PEAK1: variants seen among roughly 807,000 people sequenced by gnomAD.
PEAK1 encodes inactive tyrosine-protein kinase PEAK1.
Under a neutral mutation model 124.7 loss-of-function variants are expected in PEAK1, and 54 were observed. The observed-to-expected ratio is 0.43, with a 90% CI of 0.35 to 0.54. The LOEUF (loss-of-function observed/expected upper bound fraction) is 0.54. Among genes scored for constraint, PEAK1 ranks in the 20% least tolerant of loss-of-function variants. The pLI is 0.01. For missense variants in PEAK1, 2,046 were observed against 2,134.5 expected (o/e 0.96, Z 0.82); for synonymous variants, 719 against 760.0 (o/e 0.95, Z 0.89).
At chr15:77,256,481 T>C (rs541051776) in intron 5 of PEAK1, among the ~76,000 whole-genome samples, 1 of 152,270 alleles carries the variant, frequency 6.6e-6, no homozygotes, top group African/African-American at 2.4e-5. Context: ...TGAGGAGATT[T>C]TTAATCATAA....
intron 1 of PEAK1, chr15:77,417,516 A>C (rs998549667): frequency 2.1e-5 from 21 of 985,066 alleles, no homozygotes; most frequent in Non-Finnish European, 2.5e-5. Context: ...CAAATGACAG[A>C]ATAACGCTCA....
At chr15:77,351,775 T>C in intron 2 of PEAK1, 1 of 985,436 alleles carries the variant, frequency 1.0e-6, no homozygotes, top group East Asian at 1.1e-4. Flanking sequence ...GTTAAGACTT[T>C]ATCTTGATGA....
chr15:77,176,055 G>T (rs1332288492), intron 7 of PEAK1, among the ~76,000 whole-genome samples: 4 of 151,072 alleles, frequency 2.6e-5, no homozygotes, highest in Non-Finnish European at 5.9e-5. Context: ...TGAACAATGA[G>T]AACACATGGA....
intron 5 of PEAK1, among the ~76,000 whole-genome samples, chr15:77,260,648 TA>T (rs1465484966): frequency 6.6e-6 from 1 of 152,138 alleles, no homozygotes; most frequent in Non-Finnish European, 1.5e-5. Flanking sequence ...CAGTAGTTCA[TA>T]CACAGAAGAA....
chr15:77,355,742 T>C, intron 2 of PEAK1: 1 of 984,500 alleles, frequency 1.0e-6, no homozygotes, highest in Non-Finnish European at 1.2e-6. Context: ...AAGTTGCCTG[T>C]AATTACGTAA....
intron 6 of PEAK1, among the ~76,000 whole-genome samples, chr15:77,189,950 A>T (rs2057750205): frequency 6.6e-6 from 1 of 152,212 alleles, no homozygotes; most frequent in Non-Finnish European, 1.5e-5. Flanking sequence ...AAATAAGAGA[A>T]GGTGGGAAAA....
intron 2 of PEAK1, chr15:77,346,427 G>A (rs2066878166): frequency 4.2e-6 from 4 of 962,964 alleles, no homozygotes; most frequent in East Asian, 1.2e-4. Context: ...GGATGACAGT[G>A]ATCAGTCCCT....
chr15:77,234,992 T>A lies in PEAK1; in HGVS notation c.-115+17375A>T, dbSNP rs531908415. Reference sequence around the variant, plus strand: ...TGATGGTTTTATAAGCATCTGGCGTTGCCCTTGCTTGCACTTCCTCTCTCC... The same window carrying A: ...TGATGGTTTTATAAGCATCTGGCGTAGCCCTTGCTTGCACTTCCTCTCTCC... On this transcript the variant is annotated intron_variant, in intron 6 of 9. Transcript: ENST00000682557. 1.8e-4 allele frequency among the ~76,000 whole-genome samples: 28 copies of A among 152,170 alleles called. No homozygotes were observed. The East Asian group carries it at 5.4e-3, about 30-fold the overall frequency.
intron 5 of PEAK1, among the ~76,000 whole-genome samples, chr15:77,263,794 C>T (rs2061567366): frequency 6.6e-6 from 1 of 152,046 alleles, no homozygotes; most frequent in Admixed American, 6.6e-5. Context: ...CTGGCAGAGA[C>T]ACAACAACAA....
At chr15:77,261,627 A>G (rs925582677) in intron 5 of PEAK1, among the ~76,000 whole-genome samples, 2 of 152,218 alleles carry the variant, frequency 1.3e-5, no homozygotes, top group African/African-American at 4.8e-5. Flanking sequence ...CCAAATCTAT[A>G]TCTGATTGGT....
At chr15:77,418,223 C>G in intron 1 of PEAK1, 1 of 985,396 alleles carries the variant, frequency 1.0e-6, no homozygotes, top group Non-Finnish European at 1.2e-6. Flanking sequence ...CAAAACACTT[C>G]TCTTCCAACC....
chr15:77,261,496 T>G (rs1349199724), intron 5 of PEAK1, among the ~76,000 whole-genome samples: 1 of 152,208 alleles, frequency 6.6e-6, no homozygotes. Flanking sequence ...AGCAGCCGAT[T>G]CGATCAACTG....
chr15:77,324,753 A>T (rs890276368), intron 2 of PEAK1, among the ~76,000 whole-genome samples: 2 of 152,110 alleles, frequency 1.3e-5, no homozygotes, highest in African/African-American at 4.8e-5. Flanking sequence ...AAATGACCAG[A>T]TCTTGCAAGA....
chr15:77,261,424 T>C (rs1460883757), intron 5 of PEAK1, among the ~76,000 whole-genome samples: 3 of 152,012 alleles, frequency 2.0e-5, no homozygotes, highest in Non-Finnish European at 4.4e-5. Context: ...GAGAAGTCCT[T>C]AAAGGAGCTG....
rs540811245 is a variant in PEAK1, at chr15:77,332,691, A to G, written c.-603+32472T>C. On this transcript the variant is annotated intron_variant, in intron 2 of 9. Transcript: ENST00000682557. ...TGGTTGTTTCCAAGCACCCTGTCCC[A>G]TGGTGGCATTATCATTTTTAAAAGC... Among the ~76,000 whole-genome samples, 3 of 152,332 alleles carry G rather than the reference A, an allele frequency of 2.0e-5. No homozygotes were observed. In the South Asian group the frequency reaches 6.2e-4, roughly 32 times the overall value.
At chr15:77,413,989 A>T (rs1441024848) in intron 1 of PEAK1, among the ~76,000 whole-genome samples, 1 of 151,584 alleles carries the variant, frequency 6.6e-6, no homozygotes, top group Non-Finnish European at 1.5e-5. Flanking sequence ...ACACCCGGCT[A>T]ATTTATTATA....
intron 2 of PEAK1, among the ~76,000 whole-genome samples, chr15:77,332,682 C>T (rs2065964089): frequency 6.6e-6 from 1 of 152,080 alleles, no homozygotes; most frequent in African/African-American, 2.4e-5. Flanking sequence ...TTTCCAAGCA[C>T]CCTGTCCCAT....
At chr15:77,173,051 G>C (rs1292590474) in intron 7 of PEAK1, among the ~76,000 whole-genome samples, 1 of 152,040 alleles carries the variant, frequency 6.6e-6, no homozygotes, top group Admixed American at 6.6e-5. Context: ...ACTGTGTCTG[G>C]CCCACCAAGC....
chr15:77,181,069 A>G lies in PEAK1; in HGVS notation c.858T>C (p.Phe286=), dbSNP rs543090950. 3 of 1,614,216 alleles carry G rather than the reference A, an allele frequency of 1.9e-6. No individual in the cohort carries two copies. Among genetic ancestry groups the G allele is most frequent in the African/African-American group, 1.3e-5 (1 of 75,062 alleles). Residue 286 remains phenylalanine (F), a synonymous_variant, in exon 7 of 10, where the codon TTT becomes TTC. Coordinates refer to ENST00000682557, the MANE Select transcript of PEAK1 (RefSeq NM_001385026.1). The part of the protein sequence containing the change: ...RANTLSPVRF[F]VDKKWNTIPL... ...GGATGGTATTCCATTTTTTGTCCACAAAGAATCGAACAGGAGACAATGTGT... is the reference window on the plus strand; with the variant it reads ...GGATGGTATTCCATTTTTTGTCCACGAAGAATCGAACAGGAGACAATGTGT...
Sources: allele counts gnomAD v4.1 joint callset (sites outside exome capture counted in the v4.1 genomes callset), GRCh38; gene constraint gnomAD v4.1.1; transcripts MANE v1.5; gene names NCBI Gene and HGNC (gene_info 2026-07-23, HGNC 2026-07-21).